VPS16: variants seen among roughly 807,000 people sequenced by gnomAD.
The protein encoded by VPS16 is VPS16 core subunit of CORVET and HOPS complexes, also known as vacuolar protein sorting-associated protein 16 homolog.
VPS16 carries 82 observed loss-of-function variants against 116.0 expected under a neutral mutation model. That is an observed-to-expected ratio of 0.71 (90% CI 0.59 to 0.85). The LOEUF (loss-of-function observed/expected upper bound fraction) is 0.85, where lower values mean the gene tolerates loss of function less well. Among genes scored for constraint, VPS16 ranks in the 40% least tolerant of loss-of-function variants. VPS16 has a pLI of 0.00. For synonymous variants in VPS16, 406 were observed against 420.7 expected, an observed-to-expected ratio of 0.96 and a Z score of 0.43; for missense variants, 928 against 1,090.6, an observed-to-expected ratio of 0.85 and a Z score of 2.10.
chr20:2,854,238 T>TACACACACACAC (rs150363426), intron 1 of VPS16, among the ~76,000 whole-genome samples: 1,705 of 139,874 alleles, frequency 0.012, 26 homozygotes, highest in East Asian at 0.027. Flanking sequence ...ACCCCGTCTC[T>TACACACACACAC]ACACACACAC....
At chr20:2,850,212 T>C (rs549827760) in intron 1 of VPS16, among the ~76,000 whole-genome samples, 1 of 152,232 alleles carries the variant, frequency 6.6e-6, no homozygotes, top group South Asian at 2.1e-4. Flanking sequence ...AATCCCCAGC[T>C]ACTTGGGAGG....
chr20:2,854,379 T>C (rs909849346), intron 1 of VPS16, among the ~76,000 whole-genome samples: 3 of 151,570 alleles, frequency 2.0e-5, no homozygotes, highest in East Asian at 3.9e-4. Context: ...CAGTGAGCCA[T>C]GATCACATCA....
At chr20:2,844,920 A>G (rs1384685245) in intron 1 of VPS16, among the ~76,000 whole-genome samples, 1 of 151,894 alleles carries the variant, frequency 6.6e-6, no homozygotes, top group Non-Finnish European at 1.5e-5. Flanking sequence ...CGCTGCAGGG[A>G]CGTGTAGATC....
At chr20:2,841,180 GGGGCGGGATCGCACGGC>G in intron 1 of VPS16, 1 of 336,718 alleles carries the variant, frequency 3.0e-6, no homozygotes, top group South Asian at 3.5e-5. Context: ...CGCTCCGAGG[GGGGCGGGATCGCACGGC>G]GGGCGGGGTA....
intron 1 of VPS16, among the ~76,000 whole-genome samples, chr20:2,841,473 C>T (rs1267421859): frequency 6.6e-6 from 1 of 152,248 alleles, no homozygotes; most frequent in Non-Finnish European, 1.5e-5. Flanking sequence ...TACCGCTCTC[C>T]TACCCAAATC....
chr20:2,855,333 G>A (rs978650863), intron 1 of VPS16, among the ~76,000 whole-genome samples: 5 of 151,350 alleles, frequency 3.3e-5, no homozygotes, highest in East Asian at 1.9e-4. Flanking sequence ...GGCTTAAAAC[G>A]TTTAGTAAAC....
chr20:2,854,452 CAAAA>C (rs1014327806), intron 1 of VPS16, among the ~76,000 whole-genome samples: 4 of 149,770 alleles, frequency 2.7e-5, no homozygotes, highest in African/African-American at 9.8e-5. Context: ...CAAAACAAAA[CAAAA>C]AAAACGAGAG....
At chr20:2,850,762 GT>G (rs2089110198) in intron 1 of VPS16, among the ~76,000 whole-genome samples, 1 of 150,788 alleles carries the variant, frequency 6.6e-6, no homozygotes, top group South Asian at 2.1e-4. Context: ...AAGCCCAGGA[GT>G]TTGAGACCAG....
intron 1 of VPS16, among the ~76,000 whole-genome samples, chr20:2,845,764 C>G (rs929682886): frequency 6.6e-6 from 1 of 152,138 alleles, no homozygotes; most frequent in South Asian, 2.1e-4. Context: ...TCAAACAACT[C>G]CCCATTTCCT....
At chr20:2,859,647 A>G in intron 1 of VPS16, 72 bp from the exon 2 acceptor site, 11 of 1,514,464 alleles carry the variant, frequency 7.3e-6, no homozygotes, top group Non-Finnish European at 9.1e-6. Flanking sequence ...AGGCTTTAGG[A>G]ATTCCTCTGG....
At chr20:2,859,590 G>A in intron 1 of VPS16, 129 bp from the exon 2 acceptor site, 1 of 1,057,496 alleles carries the variant, frequency 9.5e-7, no homozygotes, top group Non-Finnish European at 1.4e-6. Context: ...CTCCCTCTGG[G>A]GGTAGAGAGT....
At position 2,864,897 on chromosome 20, in the gene VPS16, G is replaced by A; in HGVS notation, c.1927-81G>A. ...CCCTGGCGACCCTGGGCACAGGGAT[G>A]GGGGAGAAGACTGTAGCCTGGGTGA... On this transcript the variant is annotated intron_variant, in intron 19 of 23. Coordinates refer to ENST00000380445, the MANE Select transcript of VPS16 (RefSeq NM_022575.4). The surrounding 1 kb of genome is among the most constrained non-coding windows in gnomAD (Gnocchi z 5.2). 3 of 1,582,696 alleles carry A rather than the reference G, an allele frequency of 1.9e-6. No homozygotes were observed. Among genetic ancestry groups the A allele is most frequent in the South Asian group, 2.2e-5 (2 of 90,172 alleles).
intron 1 of VPS16, among the ~76,000 whole-genome samples, chr20:2,850,414 G>T (rs1257244079): frequency 6.6e-6 from 1 of 152,064 alleles, no homozygotes; most frequent in Non-Finnish European, 1.5e-5. Context: ...AGATCATGAG[G>T]TCAAGAAATC....
At chr20:2,859,041 G>A (rs959257617) in intron 1 of VPS16, among the ~76,000 whole-genome samples, 3 of 152,150 alleles carry the variant, frequency 2.0e-5, no homozygotes, top group African/African-American at 7.2e-5. Flanking sequence ...GGTCACATCT[G>A]TAATACCAGC....
chr20:2,864,958 C>G lies in VPS16; in HGVS notation c.1927-20C>G, dbSNP rs201291152. On this transcript the variant is annotated intron_variant, in intron 19 of 23. Transcript: ENST00000380445. This position sits in a 1 kb window ranked among gnomAD's most constrained non-coding sequence, Gnocchi z 5.2. ...GGTCCTGCATGCTGTGAGTTCAGGCCTTCCTTCTTGTCTTTATAGCGTATT... is the reference window on the plus strand; with the variant it reads ...GGTCCTGCATGCTGTGAGTTCAGGCGTTCCTTCTTGTCTTTATAGCGTATT... The G allele has an allele frequency of 3.1e-6, 5 of 1,613,988 alleles. No homozygotes were observed. In the African/African-American group the frequency reaches 6.7e-5, roughly 22 times the overall value.
chr20:2,859,825 C>G lies in VPS16; in HGVS notation c.142+18C>G, dbSNP rs1455915375. On this transcript the variant is annotated intron_variant, in intron 2 of 23. Transcript: ENST00000380445. ...CCCCATTGGTATGTTGCCCCTCCAC[C>G]ACCACCTGCTCTGGGACCCTGGGAT... is the stretch of plus-strand genomic sequence containing the variant. The G allele has an allele frequency of 1.2e-6, 2 of 1,602,412 alleles. No individual in the cohort carries two copies. Among genetic ancestry groups the G allele is most frequent in the Admixed American group, 3.6e-5 (2 of 56,322 alleles).
Position 2,864,435 on chromosome 20 carries a change from G to C in VPS16, c.1791G>C (p.Gln597His), listed in dbSNP as rs747864930. Reference sequence around the variant, plus strand: ...ATTTTTTCATGACCCTTCGGAATCAGCCCATGGCCCTCAGTTTGTACCGAC... The same window carrying C: ...ATTTTTTCATGACCCTTCGGAATCACCCCATGGCCCTCAGTTTGTACCGAC... ...RGDFFMTLRN[Q>H]PMALSLYRQF... The change falls in exon 18 of 24, where the codon CAG becomes CAC. Residue 597 changes from glutamine to histidine, a missense_variant. Physicochemically the swap from Gln to His is conservative, Grantham distance 24. Transcript: ENST00000380445. The surrounding 1 kb of genome is among the most constrained non-coding windows in gnomAD (Gnocchi z 5.2). 6.2e-7 allele frequency: 1 copy of C among 1,614,214 alleles called. No individual in the cohort carries two copies. The highest frequency in any genetic ancestry group is 1.1e-5 in the South Asian group (1 of 91,080).
chr20:2,860,601 CTGACACCGCTG>C lies in VPS16; in HGVS notation c.514+9_514+19del. 6.2e-7 allele frequency: 1 copy of C among 1,613,416 alleles called. No homozygotes were observed. Among genetic ancestry groups the C allele is most frequent in the Non-Finnish European group, 8.5e-7 (1 of 1,179,922 alleles). On this transcript the variant is annotated intron_variant, in intron 5 of 23. Coordinates refer to ENST00000380445, the MANE Select transcript of VPS16 (RefSeq NM_022575.4). The surrounding 1 kb of genome is among the most constrained non-coding windows in gnomAD (Gnocchi z 6.1). The stretch of plus-strand genomic sequence containing the variant: ...GGATGCCAGAGGTGCCAGGTAAGCC[CTGACACCGCTG>C]AGATAGCCAAGCAGTACCCACAGAT...
intron 1 of VPS16, among the ~76,000 whole-genome samples, chr20:2,856,016 C>T (rs2089168397): frequency 6.6e-6 from 1 of 152,252 alleles, no homozygotes; most frequent in African/African-American, 2.4e-5. Context: ...CTAACTGGCA[C>T]ACGAGGCCTA....
Sources: allele counts gnomAD v4.1 joint callset (sites outside exome capture counted in the v4.1 genomes callset), GRCh38; gene constraint gnomAD v4.1.1; non-coding constraint Gnocchi (gnomAD v3.1); transcripts MANE v1.5; gene names NCBI Gene and HGNC (gene_info 2026-07-23, HGNC 2026-07-21).